The following FBXL20 variants were observed in gnomAD, a reference collection of about 807,000 sequenced individuals.
FBXL20 encodes the protein F-box/LRR-repeat protein 20.
A neutral mutation model predicts 64.0 loss-of-function variants in FBXL20; 11 were observed. The observed-to-expected ratio is 0.17, with a 90% CI of 0.11 to 0.28. The LOEUF (loss-of-function observed/expected upper bound fraction) is 0.28. FBXL20 is among the 10% of genes least tolerant of loss of function. The pLI, the probability that FBXL20 is intolerant of heterozygous loss-of-function variation, is 1.00. For synonymous variants in FBXL20, 184 were observed against 189.0 expected (o/e 0.97, Z 0.22); for missense variants, 303 against 526.2 (o/e 0.58, Z 4.15).
intron 2 of FBXL20, among the ~76,000 whole-genome samples, chr17:39,333,188 G>C (rs531135436): frequency 1.2e-4 from 18 of 152,242 alleles, no homozygotes; most frequent in Admixed American, 2.6e-4. Context: ...GTCTCCCTCT[G>C]ATGCCCAGCC....
At chr17:39,396,606 A>G (rs1048001257) in intron 1 of FBXL20, among the ~76,000 whole-genome samples, 10 of 151,278 alleles carry the variant, frequency 6.6e-5, no homozygotes, top group African/African-American at 2.4e-4. Context: ...CAAAAAAAAA[A>G]AAAAAGAAAG....
intron 4 of FBXL20, among the ~76,000 whole-genome samples, chr17:39,300,279 C>T (rs868807173): frequency 1.3e-5 from 2 of 152,262 alleles, no homozygotes; most frequent in Non-Finnish European, 2.9e-5. Flanking sequence ...CCCACCTTGG[C>T]CTCCCAAAGT....
At chr17:39,335,188 GCATGTCT>G (rs1359335226) in intron 2 of FBXL20, among the ~76,000 whole-genome samples, 5 of 152,096 alleles carry the variant, frequency 3.3e-5, no homozygotes, top group African/African-American at 1.2e-4. Flanking sequence ...ATGATGTAAT[GCATGTCT>G]TAACTGAATA....
intron 2 of FBXL20, among the ~76,000 whole-genome samples, chr17:39,328,427 T>C (rs187902939): frequency 9.0e-4 from 137 of 152,118 alleles, no homozygotes; most frequent in African/African-American, 3.1e-3. Context: ...CAATGAATGA[T>C]GGGAACATAT....
intron 1 of FBXL20, among the ~76,000 whole-genome samples, chr17:39,395,339 G>A (rs148864474): frequency 1.1e-3 from 161 of 152,282 alleles, no homozygotes; most frequent in African/African-American, 3.7e-3. Flanking sequence ...CAGGAGAATC[G>A]CTTGAACCTG....
chr17:39,367,461 C>T (rs1407641676), intron 1 of FBXL20, among the ~76,000 whole-genome samples: 2 of 151,474 alleles, frequency 1.3e-5, no homozygotes, highest in Non-Finnish European at 2.9e-5. Flanking sequence ...GGATTACAGG[C>T]GCCCACCACC....
intron 7 of FBXL20, among the ~76,000 whole-genome samples, chr17:39,284,823 TTA>T (rs1381022998): frequency 2.0e-5 from 3 of 152,202 alleles, no homozygotes; most frequent in African/African-American, 7.2e-5. Context: ...TAATAAAATG[TTA>T]TGAGGTGATA....
chr17:39,377,013 C>T (rs768753045), intron 1 of FBXL20, among the ~76,000 whole-genome samples: 1 of 152,084 alleles, frequency 6.6e-6, no homozygotes, highest in African/African-American at 2.4e-5. Flanking sequence ...AAACAAAGAC[C>T]GTAACAGCCC....
At chr17:39,338,870 C>T (rs150242513) in intron 2 of FBXL20, among the ~76,000 whole-genome samples, 1 of 152,062 alleles carries the variant, frequency 6.6e-6, no homozygotes, top group Non-Finnish European at 1.5e-5. Context: ...GACCAATATT[C>T]TTTAAAATTA....
intron 2 of FBXL20, among the ~76,000 whole-genome samples, chr17:39,309,166 T>C (rs763264883): frequency 2.0e-5 from 3 of 152,226 alleles, no homozygotes; most frequent in Non-Finnish European, 4.4e-5. Flanking sequence ...AAAGTTACTT[T>C]GCACACAAAT....
chr17:39,328,613 T>G (rs1214789570), intron 2 of FBXL20, among the ~76,000 whole-genome samples: 1 of 152,212 alleles, frequency 6.6e-6, no homozygotes, highest in South Asian at 2.1e-4. Context: ...AAGAGAAAGC[T>G]CTTCTTTACA....
intron 1 of FBXL20, among the ~76,000 whole-genome samples, chr17:39,383,399 T>C (rs2048045702): frequency 2.0e-5 from 3 of 151,734 alleles, no homozygotes; most frequent in Admixed American, 1.3e-4. Flanking sequence ...GGTGGGAAGA[T>C]CAAATGAAGC....
intron 1 of FBXL20, among the ~76,000 whole-genome samples, chr17:39,362,161 C>T (rs887466772): frequency 6.6e-5 from 10 of 151,730 alleles, no homozygotes; most frequent in Admixed American, 3.9e-4. Context: ...GGAATGGTGG[C>T]GGGCGCCTGC....
chr17:39,268,949 AAG>A (rs1437109332), intron 11 of FBXL20, 78 bp from the exon 12 acceptor site: 7 of 1,226,200 alleles, frequency 5.7e-6, no homozygotes, highest in Non-Finnish European at 7.2e-6. Flanking sequence ...ACAGAAAACT[AAG>A]AGGTAATATT....
chr17:39,296,559 C>CAAA (rs60002793), intron 6 of FBXL20, among the ~76,000 whole-genome samples: 22 of 62,124 alleles, frequency 3.5e-4, no homozygotes, highest in Middle Eastern at 8.8e-3. Flanking sequence ...GACTCTGTCT[C>CAAA]AAAAAAAAAA....
intron 11 of FBXL20, 138 bp from the exon 12 acceptor site, chr17:39,269,009 A>T (rs1966915): frequency 5.3e-4 from 381 of 722,846 alleles, no homozygotes; most frequent in Middle Eastern, 2.0e-3. Context: ...TGTCATGCTA[A>T]TTTTTTTTTC....
intron 2 of FBXL20, among the ~76,000 whole-genome samples, chr17:39,341,387 A>T (rs2047581511): frequency 6.6e-6 from 1 of 152,308 alleles, no homozygotes; most frequent in African/African-American, 2.4e-5. Context: ...CAATGATAAA[A>T]ATGTTGCTAT....
At chr17:39,367,184 AT>A (rs563750393) in intron 1 of FBXL20, among the ~76,000 whole-genome samples, 136 of 152,210 alleles carry the variant, frequency 8.9e-4, no homozygotes, top group African/African-American at 3.1e-3. Context: ...CGCCCAGCCT[AT>A]CAGTCCTTTC....
At chr17:39,326,663 G>A (rs2047412206) in intron 2 of FBXL20, among the ~76,000 whole-genome samples, 1 of 151,308 alleles carries the variant, frequency 6.6e-6, no homozygotes, top group Non-Finnish European at 1.5e-5. Context: ...TGTCACCCAG[G>A]CTGGAGTGCA....
Sources: allele counts gnomAD v4.1 joint callset (sites outside exome capture counted in the v4.1 genomes callset), GRCh38; gene constraint gnomAD v4.1.1; transcripts MANE v1.5; gene names NCBI Gene and HGNC (gene_info 2026-07-23, HGNC 2026-07-21).